Variants in UBA5 observed in about 807,000 individuals in gnomAD.
The protein encoded by UBA5 is ubiquitin-like modifier-activating enzyme 5.
Under a neutral mutation model 52.9 loss-of-function variants are expected in UBA5, and 28 were observed. The ratio of observed to expected loss-of-function variants is 0.53; its 90% CI spans 0.39 to 0.73. UBA5 has a LOEUF of 0.73. UBA5 is among the 30% of genes least tolerant of loss of function. The probability of loss-of-function intolerance (pLI) is 0.00; values close to 1 mark genes in which losing one functional copy is unlikely to be tolerated. For missense variants in UBA5, 388 were observed against 492.7 expected (o/e 0.79, Z 2.01); for synonymous variants, 135 against 162.1 (o/e 0.83, Z 1.27).
upstream of UBA5, among the ~76,000 whole-genome samples, chr3:132,657,158 G>A (rs1426952583): frequency 6.6e-6 from 1 of 152,196 alleles, no homozygotes; most frequent in African/African-American, 2.4e-5. Context: ...ACCTGGAACT[G>A]TGTGAGATAA....
At position 132,677,646 on chromosome 3, in the gene UBA5, T is replaced by C. The variant is rs528449837; in HGVS notation, c.*1120T>C. On this transcript the variant is annotated 3_prime_UTR_variant, in exon 12 of 12. Transcript: ENST00000356232. ...GTGTAACCACTGCCAATAGGCTGTT[T>C]CTATGCTTATTTCCTATTTTGATTT... 1 of 152,332 alleles carries C rather than the reference T, an allele frequency of 6.6e-6. No homozygotes were observed. The highest frequency in any genetic ancestry group is 1.5e-5 in the Non-Finnish European group (1 of 68,014). The allele number at this position is 152,332 out of a possible 1,614,324, so 9.4% of individuals were successfully genotyped here. A position where few individuals can be genotyped will look rare whatever the true frequency, so the allele number is the denominator to read the frequency against.
Position 132,660,636 on chromosome 3 carries a change from AG to A in UBA5, c.104del (p.Gly35AlafsTer9). The A allele has an allele frequency of 6.4e-7, 1 of 1,569,682 alleles. No homozygotes were observed. The highest frequency in any genetic ancestry group is 8.6e-7 in the Non-Finnish European group (1 of 1,157,908). ...TGCAGGTCCCGAGGAGCGGCGACGGAGGGGGCGGCCGGGTCCGCATCGAGAA... is the reference window on the plus strand; with the variant it reads ...TGCAGGTCCCGAGGAGCGGCGACGGAGGGGCGGCCGGGTCCGCATCGAGAA... ...SLQVPRSGDG[G>X]GGRVRIEKMS... On this transcript the variant is annotated frameshift_variant, in exon 1 of 12. Transcript: ENST00000356232. LOFTEE classifies it high-confidence loss of function. The surrounding 1 kb of genome is among the most constrained non-coding windows in gnomAD (Gnocchi z 4.1).
chr3:132,665,869 G>A lies in UBA5; in HGVS notation c.207+1G>A. 6.2e-7 allele frequency: 1 copy of A among 1,613,386 alleles called. No homozygotes were observed. Among genetic ancestry groups the A allele is most frequent in the South Asian group, 1.1e-5 (1 of 91,040 alleles). Reference sequence around the variant, plus strand: ...AATGGGAATTGTAAGCGACTATGAGGTATGATAAACCCTTTCCAAGTTTTT... The same window carrying A: ...AATGGGAATTGTAAGCGACTATGAGATATGATAAACCCTTTCCAAGTTTTT... On this transcript the variant is annotated splice_donor_variant, in intron 2 of 11. Transcript: ENST00000356232. LOFTEE classifies it high-confidence loss of function.
At chr3:132,654,617 C>T (rs912881430) in exon 1 of UBA5, 5 of 152,230 alleles carry the variant, frequency 3.3e-5, no homozygotes, top group African/African-American at 1.2e-4. Context: ...CTGAGGCCTC[C>T]TTTCCTTTGG....
At position 132,675,188 on chromosome 3, in the gene UBA5, G is replaced by C. The variant is rs113641442; in HGVS notation, c.813-60G>C. On this transcript the variant is annotated intron_variant, in intron 8 of 11. Coordinates refer to ENST00000356232, the MANE Select transcript of UBA5 (RefSeq NM_024818.6). ...TCAACGTTATTTTTAAAAAATTTAG[G>C]TGTTCTAGTATTTTTCATGTTTTAA... 3.2e-4 allele frequency: 395 copies of C among 1,222,002 alleles called. 3 individuals are homozygous for C. In the African/African-American group the frequency reaches 4.5e-3, roughly 14 times the overall value. The allele number at this position is 1,222,002 out of a possible 1,614,324, so 75.7% of individuals were successfully genotyped here. A position where few individuals can be genotyped will look rare whatever the true frequency, so the allele number is the denominator to read the frequency against.
chr3:132,674,669 A>G (rs547835476), intron 8 of UBA5, among the ~76,000 whole-genome samples: 1 of 152,348 alleles, frequency 6.6e-6, no homozygotes, highest in South Asian at 2.1e-4. Flanking sequence ...AGCCTGGGCA[A>G]CAGAGTAAAA....
At chr3:132,661,827 A>G (rs1938181083) in intron 1 of UBA5, among the ~76,000 whole-genome samples, 1 of 152,220 alleles carries the variant, frequency 6.6e-6, no homozygotes, top group Non-Finnish European at 1.5e-5. Flanking sequence ...GATTTTTAAA[A>G]AAGGTTTTAG....
Position 132,679,249 on chromosome 3 carries a change from C to G in UBA5, c.*2723C>G, listed in dbSNP as rs1015611023. 2.6e-5 allele frequency among the ~76,000 whole-genome samples: 4 copies of G among 151,802 alleles called. No individual in the cohort carries two copies. The highest frequency in any genetic ancestry group is 4.4e-5 in the Non-Finnish European group (3 of 67,946). ...TGCCACTGCACTCCAGTCTGGAAAA[C>G]AGAGTGAGACTCTGTCTCAAAAAAA... is the stretch of plus-strand genomic sequence containing the variant. On this transcript the variant is annotated 3_prime_UTR_variant, in exon 12 of 12. Coordinates refer to ENST00000356232, the MANE Select transcript of UBA5 (RefSeq NM_024818.6).
chr3:132,672,180 A>C lies in UBA5; in HGVS notation c.812+3A>C. On this transcript the variant is annotated splice_donor_region_variant and intron_variant, in intron 8 of 11. Coordinates refer to ENST00000356232, the MANE Select transcript of UBA5 (RefSeq NM_024818.6). ...ATCTTAGTACAAAACGTGTTAAAGT[A>C]AGTCAGGGCTAATTTTTCTGAATAG... 1 of 1,612,336 alleles carries C rather than the reference A, an allele frequency of 6.2e-7. No individual in the cohort carries two copies. Among genetic ancestry groups the C allele is most frequent in the Non-Finnish European group, 8.5e-7 (1 of 1,179,390 alleles).
chr3:132,670,391 T>A, intron 5 of UBA5, 107 bp downstream of exon 5: 1 of 534,736 alleles, frequency 1.9e-6, no homozygotes, highest in Non-Finnish European at 3.2e-6. Flanking sequence ...TGATATATAT[T>A]TTTCCATTTT....
intron 8 of UBA5, among the ~76,000 whole-genome samples, chr3:132,674,929 T>C (rs969196511): frequency 1.3e-5 from 2 of 152,336 alleles, no homozygotes; most frequent in Admixed American, 1.3e-4. Context: ...GAAATCAGCA[T>C]GCTTCTTGAA....
chr3:132,657,877 T>C (rs1362311709), upstream of UBA5, among the ~76,000 whole-genome samples: 3 of 139,342 alleles, frequency 2.2e-5, no homozygotes, highest in African/African-American at 9.7e-5. Context: ...TTTTTTTTTT[T>C]TTTTTTTTTG....
At chr3:132,673,566 T>C (rs147612163) in intron 8 of UBA5, among the ~76,000 whole-genome samples, 2,063 of 152,300 alleles carry the variant, frequency 0.014, 55 homozygotes, top group African/African-American at 0.048. Context: ...CAGGCTGTTC[T>C]TGAACTCCTG....
intron 3 of UBA5, among the ~76,000 whole-genome samples, chr3:132,666,533 G>T (rs936414883): frequency 6.6e-6 from 1 of 151,942 alleles, no homozygotes; most frequent in Non-Finnish European, 1.5e-5. Flanking sequence ...TTAGATTATG[G>T]GTTAGAAAGA....
At chr3:132,671,203 A>G (rs1354422859) in intron 6 of UBA5, among the ~76,000 whole-genome samples, 154 bp downstream of exon 6, 2 of 152,146 alleles carry the variant, frequency 1.3e-5, no homozygotes, top group Non-Finnish European at 2.9e-5. Flanking sequence ...CTTAAAATCT[A>G]TTCTAATAGC....
rs1938079626 is a variant in UBA5 at position 132,660,355 on chromosome 3, C to G, written c.-183C>G. On this transcript the variant is annotated 5_prime_UTR_variant, in exon 1 of 12. Transcript: ENST00000356232. The surrounding 1 kb of genome is among the most constrained non-coding windows in gnomAD (Gnocchi z 4.1). ...CACCGGAAGCGGCTCCGAGGAAGGC[C>G]TGTGGGAGTCTCGGAGACGTGTCTG... is the stretch of plus-strand genomic sequence containing the variant. 1.4e-6 allele frequency: 1 copy of G among 719,982 alleles called. No homozygotes were observed. Among genetic ancestry groups the G allele is most frequent in the Admixed American group, 2.9e-5 (1 of 34,386 alleles). The allele number at this position is 719,982 out of a possible 1,614,324, so 44.6% of individuals were successfully genotyped here.
At chr3:132,659,869 CCAGCCAACCGCACA>C (rs1938043632), upstream of UBA5, 2 of 1,279,398 alleles carry the variant, frequency 1.6e-6, no homozygotes, top group Non-Finnish European at 2.1e-6. Flanking sequence ...GGGTCTGGCT[CCAGCCAACCGCACA>C]CAGCCTACGC....
At position 132,672,057 on chromosome 3, in the gene UBA5, C is replaced by G; in HGVS notation, c.692C>G (p.Pro231Arg). The change falls in exon 8 of 12, where the codon CCA (proline) becomes CGA (arginine). Residue 231 changes from proline to arginine, a missense_variant. Physicochemically the swap from Pro to Arg is moderately radical, Grantham distance 103 (BLOSUM62 -2). This residue lies in a region of UBA5 where 277 missense variants were observed against 326.4 expected (regional missense o/e 0.85). Coordinates refer to ENST00000356232, the MANE Select transcript of UBA5 (RefSeq NM_024818.6). ...GTTTTATTTTTCATGTAGTGTGCTC[C>G]ACCACTTGTAGTTGCTGCAAATATT... Reference protein sequence around the residue: ...PGESACFACAPPLVVAANIDE... With the variant: ...PGESACFACARPLVVAANIDE... The G allele has an allele frequency of 6.2e-7, 1 of 1,613,624 alleles. No individual in the cohort carries two copies. Among genetic ancestry groups the G allele is most frequent in the Non-Finnish European group, 8.5e-7 (1 of 1,179,824 alleles).
At chr3:132,675,795 T>C (rs534798771) in intron 10 of UBA5, 22 bp from the exon 11 acceptor site, 6 of 1,580,928 alleles carry the variant, frequency 3.8e-6, no homozygotes, top group Admixed American at 1.8e-5. Context: ...CCTTAAAAAC[T>C]GACATAGGAT....
Sources: allele counts gnomAD v4.1 joint callset (sites outside exome capture counted in the v4.1 genomes callset), GRCh38; gene constraint gnomAD v4.1.1; regional missense constraint gnomAD v4.1.1; non-coding constraint Gnocchi (gnomAD v3.1); transcripts MANE v1.5; gene names NCBI Gene and HGNC (gene_info 2026-07-23, HGNC 2026-07-21).